Variants in SDK1 observed in about 807,000 individuals in gnomAD.
SDK1 encodes the protein sidekick cell adhesion molecule 1, also known as protein sidekick-1.
A neutral mutation model predicts 245.5 loss-of-function variants in SDK1; 157 were observed. The observed-to-expected ratio is 0.64, with a 90% CI of 0.56 to 0.73. The LOEUF is 0.73. Among genes scored for constraint, SDK1 ranks in the 30% least tolerant of loss-of-function variants. The probability of loss-of-function intolerance (pLI) is 0.00; values close to 1 mark genes in which losing one functional copy is unlikely to be tolerated. For missense variants in SDK1, 3,583 were observed against 3,002.3 expected, an observed-to-expected ratio of 1.19 and a Z score of -4.52; for synonymous variants, 1,647 against 1,278.5, an observed-to-expected ratio of 1.29 and a Z score of -6.15.
At chr7:3,477,691 T>C (rs1409709553) in intron 1 of SDK1, among the ~76,000 whole-genome samples, 3 of 152,078 alleles carry the variant, frequency 2.0e-5, no homozygotes, top group East Asian at 3.9e-4. Flanking sequence ...TTTTTAATTT[T>C]TTTGTGGAGA....
chr7:3,381,692 T>C (rs75697611), intron 1 of SDK1, among the ~76,000 whole-genome samples: 3,100 of 152,166 alleles, frequency 0.02, 106 homozygotes, highest in African/African-American at 0.064. Context: ...GCCCAGGGGA[T>C]ATGCTTTGAA....
At chr7:3,512,285 ATTTG>A (rs1782606322) in intron 1 of SDK1, among the ~76,000 whole-genome samples, 3 of 152,162 alleles carry the variant, frequency 2.0e-5, no homozygotes, top group East Asian at 3.9e-4. Flanking sequence ...TTCATAGCTC[ATTTG>A]TTTGATAACT....
chr7:3,817,706 G>C (rs1299987555), intron 4 of SDK1, among the ~76,000 whole-genome samples: 7 of 152,180 alleles, frequency 4.6e-5, no homozygotes, highest in Admixed American at 4.6e-4. Flanking sequence ...CCATGCCCAA[G>C]GGGTGGGTCT....
chr7:3,668,706 A>G (rs1167932692), intron 4 of SDK1, among the ~76,000 whole-genome samples: 1 of 152,180 alleles, frequency 6.6e-6, no homozygotes, highest in African/African-American at 2.4e-5. Flanking sequence ...CAGGAGAATC[A>G]CTTGAACCTG....
At chr7:3,737,339 C>G (rs1384350572) in intron 4 of SDK1, among the ~76,000 whole-genome samples, 1 of 152,252 alleles carries the variant, frequency 6.6e-6, no homozygotes, top group East Asian at 1.9e-4. Flanking sequence ...CTAGGCAGTG[C>G]TGTGGTCTGA....
intron 5 of SDK1, among the ~76,000 whole-genome samples, chr7:3,829,844 C>T (rs1779870602): frequency 6.6e-6 from 1 of 152,196 alleles, no homozygotes; most frequent in Non-Finnish European, 1.5e-5. Context: ...TGTGGCTCAG[C>T]AGCTTTGAGG....
intron 19 of SDK1, among the ~76,000 whole-genome samples, chr7:4,054,266 G>C (rs957364848): frequency 5.9e-5 from 9 of 152,096 alleles, no homozygotes; most frequent in Non-Finnish European, 1.2e-4. Flanking sequence ...TTTATTGAGA[G>C]CATTACAGAT....
chr7:3,839,604 G>A (rs1780107474), intron 5 of SDK1, among the ~76,000 whole-genome samples: 1 of 152,070 alleles, frequency 6.6e-6, no homozygotes, highest in Non-Finnish European at 1.5e-5. Context: ...TAAAATTGAT[G>A]CTGAACACTT....
In SDK1 at chr7:3,614,282, G is replaced by A. The variant is rs75153274; in HGVS notation, c.299-4798G>A. 2.5e-3 allele frequency among the ~76,000 whole-genome samples: 378 copies of A among 152,262 alleles called. 1 individual carries two copies. The highest frequency in any genetic ancestry group is 8.4e-3 in the African/African-American group (351 of 41,556). ...AATAGAACACTTTCTATATGAAAAT[G>A]GAAATTTCACTTTTCCTTAGTAATT... On this transcript the variant is annotated intron_variant, in intron 1 of 44. Coordinates refer to ENST00000404826, the MANE Select transcript of SDK1 (RefSeq NM_152744.4).
chr7:3,360,090 C>G (rs1410665164), intron 1 of SDK1, among the ~76,000 whole-genome samples: 2 of 152,136 alleles, frequency 1.3e-5, no homozygotes, highest in African/African-American at 2.4e-5. Flanking sequence ...AGTTTTTTTC[C>G]TCTTATGTCA....
intron 5 of SDK1, among the ~76,000 whole-genome samples, chr7:3,880,815 G>A (rs926613823): frequency 1.2e-3 from 179 of 152,252 alleles, no homozygotes; most frequent in African/African-American, 4.2e-3. Context: ...GCCGGCTGTG[G>A]TTATGAACTG....
At chr7:4,238,913 A>G (rs1228210993) in intron 42 of SDK1, among the ~76,000 whole-genome samples, 2 of 151,956 alleles carry the variant, frequency 1.3e-5, no homozygotes, top group Non-Finnish European at 2.9e-5. Context: ...TGTACTATGC[A>G]ATATTATAAA....
chr7:3,474,992 T>G (rs569670190), intron 1 of SDK1, among the ~76,000 whole-genome samples: 3 of 152,332 alleles, frequency 2.0e-5, no homozygotes, highest in Non-Finnish European at 4.4e-5. Context: ...TGTCCAGCCC[T>G]GACCCATTGT....
At chr7:3,831,499 C>T (rs554806743) in intron 5 of SDK1, among the ~76,000 whole-genome samples, 1 of 152,222 alleles carries the variant, frequency 6.6e-6, no homozygotes, top group East Asian at 1.9e-4. Flanking sequence ...TTCATATCTC[C>T]TCTTTCAGAA....
chr7:3,519,667 G>T (rs1782869426), intron 1 of SDK1, among the ~76,000 whole-genome samples: 1 of 152,040 alleles, frequency 6.6e-6, no homozygotes, highest in Non-Finnish European at 1.5e-5. Context: ...GTCTGTCTCT[G>T]TTACATCCAG....
chr7:3,681,287 A>G (rs992067627), intron 4 of SDK1, among the ~76,000 whole-genome samples: 1 of 152,088 alleles, frequency 6.6e-6, no homozygotes, highest in East Asian at 1.9e-4. Context: ...TAGCATTCGT[A>G]TTTGTTCTGG....
intron 1 of SDK1, among the ~76,000 whole-genome samples, chr7:3,314,129 C>G (rs1488524142): frequency 6.6e-6 from 1 of 152,080 alleles, no homozygotes; most frequent in Non-Finnish European, 1.5e-5. Flanking sequence ...GATTCAGCAT[C>G]TGGTAGATAA....
At chr7:4,094,433 C>T (rs1782010138) in intron 22 of SDK1, among the ~76,000 whole-genome samples, 1 of 152,178 alleles carries the variant, frequency 6.6e-6, no homozygotes, top group South Asian at 2.1e-4. Flanking sequence ...ACAGAACTTG[C>T]TTCTGCTCTA....
Position 3,301,262 on chromosome 7 carries a change from C to T in SDK1, c.-325C>T, listed in dbSNP as rs1307290879. ...GACGTGCGGGCGGGCGCACTTTCTT[C>T]TCAGCGCCGGGCGGGGGCGGCGGCG... On this transcript the variant is annotated 5_prime_UTR_variant, in exon 1 of 45. Coordinates refer to ENST00000404826, the MANE Select transcript of SDK1 (RefSeq NM_152744.4). 6.9e-6 allele frequency among the ~76,000 whole-genome samples: 1 copy of T among 144,468 alleles called. No individual in the cohort carries two copies. Among genetic ancestry groups the T allele is most frequent in the East Asian group, 2.0e-4 (1 of 4,968 alleles). 94.8% of individuals were successfully genotyped at this position (144,468 alleles called of 152,430 possible).
Sources: allele counts gnomAD v4.1 joint callset (sites outside exome capture counted in the v4.1 genomes callset), GRCh38; gene constraint gnomAD v4.1.1; transcripts MANE v1.5; gene names NCBI Gene and HGNC (gene_info 2026-07-23, HGNC 2026-07-21).